Variants in UNC5C observed in about 807,000 individuals in gnomAD.
UNC5C encodes unc-5 netrin receptor C.
UNC5C carries 47 observed loss-of-function variants against 99.8 expected under a neutral mutation model. The observed-to-expected ratio is 0.47, with a 90% CI of 0.37 to 0.60. UNC5C has a LOEUF of 0.60. Among genes scored for constraint, UNC5C ranks in the 20% least tolerant of loss-of-function variants. The pLI is 0.00. For missense variants in UNC5C, 1,062 were observed against 1,165.9 expected, an observed-to-expected ratio of 0.91 and a Z score of 1.30; for synonymous variants, 487 against 452.2, an observed-to-expected ratio of 1.08 and a Z score of -0.98.
intron 1 of UNC5C, among the ~76,000 whole-genome samples, chr4:95,543,517 T>A (rs556732917): frequency 6.6e-6 from 1 of 152,342 alleles, no homozygotes; most frequent in African/African-American, 2.4e-5. Flanking sequence ...TTTCTTTGCC[T>A]TCGTGTTGAC....
At chr4:95,189,973 C>T (rs1431023865) in intron 12 of UNC5C, among the ~76,000 whole-genome samples, 1 of 152,152 alleles carries the variant, frequency 6.6e-6, no homozygotes, top group Non-Finnish European at 1.5e-5. Flanking sequence ...CCATTTGACC[C>T]AGCCATCCCA....
chr4:95,261,708 CTTTTT>C (rs11426859), intron 4 of UNC5C, among the ~76,000 whole-genome samples: 1 of 145,806 alleles, frequency 6.9e-6, no homozygotes, highest in Non-Finnish European at 1.5e-5. Context: ...ATATGAATTC[CTTTTT>C]TTTTTTTTGA....
chr4:95,335,954 T>A (rs1274242426), intron 1 of UNC5C, among the ~76,000 whole-genome samples: 2 of 151,854 alleles, frequency 1.3e-5, no homozygotes, highest in Non-Finnish European at 2.9e-5. Context: ...ATCACTACAT[T>A]TCCCATTATA....
At chr4:95,481,330 C>A (rs979049305) in intron 1 of UNC5C, among the ~76,000 whole-genome samples, 17 of 152,104 alleles carry the variant, frequency 1.1e-4, no homozygotes, top group African/African-American at 4.1e-4. Context: ...TCAAGGAGAA[C>A]TACAAACCAC....
intron 1 of UNC5C, among the ~76,000 whole-genome samples, chr4:95,528,933 AT>A (rs886928206): frequency 2.2e-4 from 33 of 151,642 alleles, no homozygotes; most frequent in African/African-American, 5.1e-4. Flanking sequence ...TTGTTACTTG[AT>A]TTTTTTTTCT....
At chr4:95,321,452 G>A (rs79959877) in intron 2 of UNC5C, among the ~76,000 whole-genome samples, 2,021 of 152,256 alleles carry the variant, frequency 0.013, 43 homozygotes, top group African/African-American at 0.045. Context: ...TCATCTGCGT[G>A]ATATAATAGA....
intron 1 of UNC5C, among the ~76,000 whole-genome samples, chr4:95,532,801 C>T (rs1192190156): frequency 2.6e-5 from 4 of 151,390 alleles, no homozygotes; most frequent in African/African-American, 4.9e-5. Flanking sequence ...GTTCATGGTC[C>T]GGGAGATTGT....
intron 2 of UNC5C, among the ~76,000 whole-genome samples, chr4:95,312,217 G>C (rs181660919): frequency 6.6e-6 from 1 of 152,090 alleles, no homozygotes; most frequent in Non-Finnish European, 1.5e-5. Flanking sequence ...TTCTTAGGTG[G>C]CCACACTGAT....
intron 4 of UNC5C, among the ~76,000 whole-genome samples, chr4:95,269,072 ATT>A (rs1006906328): frequency 6.6e-6 from 1 of 152,140 alleles, no homozygotes; most frequent in Non-Finnish European, 1.5e-5. Flanking sequence ...GTTTTTGTGT[ATT>A]TGTTTGTTTT....
intron 12 of UNC5C, 28 bp from the exon 13 acceptor site, chr4:95,185,224 C>A: frequency 6.3e-7 from 1 of 1,579,534 alleles, no homozygotes; most frequent in Non-Finnish European, 8.6e-7. Flanking sequence ...AAACCCAAAG[C>A]ACGTTATTGA....
chr4:95,225,713 G>A lies in UNC5C; in HGVS notation c.1109-5537C>T, dbSNP rs566532863. ...CTCACAGGCAATTAGGACCAATCTA[G>A]CCAAACTCTTATTTTCCTACATGGG... is the stretch of plus-strand genomic sequence containing the variant. On this transcript the variant is annotated intron_variant, in intron 7 of 15. Transcript: ENST00000453304. 5.9e-5 allele frequency among the ~76,000 whole-genome samples: 9 copies of A among 152,082 alleles called. No individual in the cohort carries two copies. In the South Asian group the frequency reaches 1.5e-3, roughly 25 times the overall value.
At chr4:95,488,095 TTCAG>T (rs1217633852) in intron 1 of UNC5C, among the ~76,000 whole-genome samples, 5 of 151,724 alleles carry the variant, frequency 3.3e-5, no homozygotes, top group East Asian at 2.0e-4. Context: ...TTTAGTCCCA[TTCAG>T]TCAAACTACG....
At chr4:95,496,443 A>G (rs1380815179) in intron 1 of UNC5C, among the ~76,000 whole-genome samples, 1 of 151,750 alleles carries the variant, frequency 6.6e-6, no homozygotes, top group Non-Finnish European at 1.5e-5. Flanking sequence ...ACAATTATAG[A>G]TTGTCATTTT....
intron 1 of UNC5C, among the ~76,000 whole-genome samples, chr4:95,502,276 C>G (rs1200957019): frequency 7.2e-5 from 11 of 151,920 alleles, no homozygotes; most frequent in Admixed American, 7.2e-4. Flanking sequence ...ATCATATAAA[C>G]TTTTTTTTAA....
chr4:95,218,650 A>C (rs1738347684), intron 9 of UNC5C, among the ~76,000 whole-genome samples: 1 of 152,242 alleles, frequency 6.6e-6, no homozygotes, highest in South Asian at 2.1e-4. Context: ...TAATGACAAC[A>C]TTAGGACTTG....
chr4:95,275,919 T>C (rs1740843622), intron 4 of UNC5C, among the ~76,000 whole-genome samples: 1 of 152,250 alleles, frequency 6.6e-6, no homozygotes, highest in Non-Finnish European at 1.5e-5. Context: ...TCCCAACGAC[T>C]GATCTAATTA....
At chr4:95,324,217 A>T (rs1473115501) in intron 2 of UNC5C, among the ~76,000 whole-genome samples, 1 of 152,158 alleles carries the variant, frequency 6.6e-6, no homozygotes, top group Non-Finnish European at 1.5e-5. Flanking sequence ...GCCTCCTGTC[A>T]GATCAGCAGC....
chr4:95,351,550 T>G (rs1743991426), intron 1 of UNC5C, among the ~76,000 whole-genome samples: 1 of 152,130 alleles, frequency 6.6e-6, no homozygotes, highest in African/African-American at 2.4e-5. Flanking sequence ...CCAGGTGCAG[T>G]GGCTCATGCC....
At chr4:95,499,249 C>G (rs1475523014) in intron 1 of UNC5C, among the ~76,000 whole-genome samples, 1 of 151,946 alleles carries the variant, frequency 6.6e-6, no homozygotes, top group South Asian at 2.1e-4. Context: ...GGCTTAACAC[C>G]CTTAGGCAAC....
Sources: allele counts gnomAD v4.1 joint callset (sites outside exome capture counted in the v4.1 genomes callset), GRCh38; gene constraint gnomAD v4.1.1; transcripts MANE v1.5; gene names NCBI Gene and HGNC (gene_info 2026-07-23, HGNC 2026-07-21).